SLC13A3: variants seen among roughly 807,000 people sequenced by gnomAD.
SLC13A3 encodes the protein solute carrier family 13 member 3.
Under a neutral mutation model 59.0 loss-of-function variants are expected in SLC13A3, and 40 were observed. The observed-to-expected ratio is 0.68, with a 90% CI of 0.53 to 0.88. The LOEUF is 0.88. Ranked by LOEUF, SLC13A3 falls within the 40% of genes least tolerant of loss-of-function variation. SLC13A3 has a pLI of 0.00. For missense variants in SLC13A3, 699 were observed against 783.2 expected (o/e 0.89, Z 1.28); for synonymous variants, 317 against 330.3 (o/e 0.96, Z 0.44).
intron 2 of SLC13A3, among the ~76,000 whole-genome samples, 160 bp downstream of exon 2, chr20:46,613,300 G>GAAATAAAT (rs11472968): frequency 0.37 from 54,154 of 145,788 alleles, 10,587 homozygotes; most frequent in Admixed American, 0.41. Flanking sequence ...AAATAGTAGA[G>GAAATAAAT]AAATAAATAA....
At chr20:46,641,006 A>G (rs375905051) in intron 1 of SLC13A3, among the ~76,000 whole-genome samples, 136 of 152,248 alleles carry the variant, frequency 8.9e-4, no homozygotes, top group Admixed American at 2.7e-3. Flanking sequence ...CAGCGGGTCT[A>G]TGTGCCCACT....
chr20:46,608,638 C>A, intron 3 of SLC13A3: 2 of 378,844 alleles, frequency 5.3e-6, no homozygotes, highest in East Asian at 4.5e-5. Context: ...AAGCAGGACC[C>A]CTTAGTGTAT....
At chr20:46,675,279 G>A (rs1382817432) in intron 1 of SLC13A3, among the ~76,000 whole-genome samples, 1 of 151,952 alleles carries the variant, frequency 6.6e-6, no homozygotes, top group Non-Finnish European at 1.5e-5. Flanking sequence ...ACCCAGGCTA[G>A]AGTGCAGTGG....
At chr20:46,646,282 G>A (rs534551490) in intron 1 of SLC13A3, among the ~76,000 whole-genome samples, 1 of 152,172 alleles carries the variant, frequency 6.6e-6, no homozygotes, top group Non-Finnish European at 1.5e-5. Context: ...TTTAGTAGCT[G>A]TGTGACCTTG....
chr20:46,614,067 T>C (rs1387802125), intron 1 of SLC13A3, among the ~76,000 whole-genome samples: 2 of 152,188 alleles, frequency 1.3e-5, no homozygotes, highest in Admixed American at 6.5e-5. Context: ...GTTTACTTGA[T>C]AGAGGATCCC....
intron 1 of SLC13A3, among the ~76,000 whole-genome samples, chr20:46,680,157 G>A (rs1390447728): frequency 6.6e-6 from 1 of 152,134 alleles, no homozygotes; most frequent in Non-Finnish European, 1.5e-5. Context: ...AGCATCACCT[G>A]GGAAGTTGTT....
chr20:46,675,197 G>A (rs1039076279), intron 1 of SLC13A3, among the ~76,000 whole-genome samples: 5 of 151,694 alleles, frequency 3.3e-5, no homozygotes, highest in South Asian at 4.2e-4. Flanking sequence ...GTTGGTGGGG[G>A]GAAGTGGAGT....
At chr20:46,621,819 C>T (rs527848318) in intron 1 of SLC13A3, among the ~76,000 whole-genome samples, 4 of 152,298 alleles carry the variant, frequency 2.6e-5, no homozygotes, top group African/African-American at 4.8e-5. Flanking sequence ...CCTACCGCTC[C>T]GCTAAAAATT....
chr20:46,674,533 C>A (rs745912747), upstream of SLC13A3, among the ~76,000 whole-genome samples: 6 of 151,800 alleles, frequency 4.0e-5, no homozygotes, highest in Non-Finnish European at 5.9e-5. Context: ...AAACCTCAGG[C>A]CAGGACTATA....
chr20:46,622,297 T>A (rs1316693708), intron 1 of SLC13A3, among the ~76,000 whole-genome samples: 3 of 152,162 alleles, frequency 2.0e-5, no homozygotes, highest in African/African-American at 7.2e-5. Flanking sequence ...ATCAAGCAGG[T>A]GGATGCCGGC....
chr20:46,561,267 T>G (rs1182318207), intron 12 of SLC13A3, among the ~76,000 whole-genome samples: 8 of 152,238 alleles, frequency 5.3e-5, no homozygotes. Flanking sequence ...TGATGTCTCA[T>G]GCCTCCCTAA....
chr20:46,579,750 A>C (rs947706309), intron 9 of SLC13A3, among the ~76,000 whole-genome samples: 1 of 152,236 alleles, frequency 6.6e-6, no homozygotes, highest in Admixed American at 6.5e-5. Context: ...TTCAACTTGA[A>C]TGAGTTGCCA....
In SLC13A3 at chr20:46,659,110, A is replaced by G. The variant is rs188248541; in HGVS notation, c.-31+10933T>C. On this transcript the variant is annotated intron_variant, in intron 1 of 12. Transcript: ENST00000290317. ...ACTCTGCTTTTTTATCTAGTCTAACATTCTCTGATATTTTAATTGGAATGT... is the reference window on the plus strand; with the variant it reads ...ACTCTGCTTTTTTATCTAGTCTAACGTTCTCTGATATTTTAATTGGAATGT... Among the ~76,000 whole-genome samples, 1,419 of 152,248 alleles carry G rather than the reference A, an allele frequency of 9.3e-3. 13 individuals are homozygous for G. The highest frequency in any genetic ancestry group is 0.015 in the Non-Finnish European group (995 of 68,012).
intron 1 of SLC13A3, among the ~76,000 whole-genome samples, chr20:46,664,407 T>C (rs1041023143): frequency 6.6e-6 from 1 of 152,232 alleles, no homozygotes; most frequent in African/African-American, 2.4e-5. Flanking sequence ...TACTTAACTA[T>C]TAATAATATT....
chr20:46,577,793 C>T (rs1243068416), intron 9 of SLC13A3, among the ~76,000 whole-genome samples: 3 of 152,346 alleles, frequency 2.0e-5, no homozygotes, highest in African/African-American at 7.2e-5. Context: ...TTGAACTAGA[C>T]TTGAATCCTA....
chr20:46,561,503 G>A (rs2061930015), intron 12 of SLC13A3, among the ~76,000 whole-genome samples: 1 of 152,150 alleles, frequency 6.6e-6, no homozygotes, highest in Non-Finnish European at 1.5e-5. Flanking sequence ...CCTTCTCCAG[G>A]CAGCTGCTAT....
chr20:46,650,597 G>A (rs112168000), intron 1 of SLC13A3, among the ~76,000 whole-genome samples: 4,148 of 152,210 alleles, frequency 0.027, 176 homozygotes, highest in African/African-American at 0.092. Context: ...GATATTCACC[G>A]CTGCCCTATG....
intron 3 of SLC13A3, 91 bp from the exon 4 acceptor site, chr20:46,600,128 T>C: frequency 1.1e-6 from 1 of 935,036 alleles, no homozygotes; most frequent in Non-Finnish European, 1.6e-6. Context: ...GAATGCTTTC[T>C]TTGCCAAGGA....
At chr20:46,613,848 G>A in intron 1 of SLC13A3, 123 bp from the exon 2 acceptor site, 1 of 853,702 alleles carries the variant, frequency 1.2e-6, no homozygotes, top group South Asian at 1.9e-5. Context: ...AAGGAGGCCT[G>A]CGGCAGGGCC....
Sources: allele counts gnomAD v4.1 joint callset (sites outside exome capture counted in the v4.1 genomes callset), GRCh38; gene constraint gnomAD v4.1.1; transcripts MANE v1.5; gene names NCBI Gene and HGNC (gene_info 2026-07-23, HGNC 2026-07-21).